Variants in PPP1CB observed in about 807,000 individuals in gnomAD.
The protein encoded by PPP1CB is protein phosphatase 1 catalytic subunit beta.
PPP1CB carries 2 observed loss-of-function variants against 43.7 expected under a neutral mutation model. That is an observed-to-expected ratio of 0.05 (90% CI 0.02 to 0.14). The LOEUF (loss-of-function observed/expected upper bound fraction) is 0.14, where lower values mean the gene tolerates loss of function less well. Among genes scored for constraint, PPP1CB ranks in the 10% least tolerant of loss-of-function variants. The pLI, the probability that PPP1CB is intolerant of heterozygous loss-of-function variation, is 1.00. For synonymous variants in PPP1CB, 136 were observed against 135.6 expected (o/e 1.00, Z -0.02); for missense variants, 84 against 398.0 (o/e 0.21, Z 6.71).
In PPP1CB at chr2:28,767,145, A is replaced by T. The variant is rs533673976; in HGVS notation, c.53-9706A>T. ...TTCTTCAGCTTTTCCAATCAGATAC[A>T]ATTTAATTAACCCACCATTGATAAA... is the stretch of plus-strand genomic sequence containing the variant. On this transcript the variant is annotated intron_variant, in intron 1 of 7. Transcript: ENST00000395366. 1.2e-4 allele frequency among the ~76,000 whole-genome samples: 19 copies of T among 152,298 alleles called. No individual in the cohort carries two copies. In the South Asian group the frequency reaches 3.9e-3, roughly 32 times the overall value.
chr2:28,780,389 C>T (rs1667133990), intron 3 of PPP1CB, among the ~76,000 whole-genome samples: 1 of 152,068 alleles, frequency 6.6e-6, no homozygotes, highest in Non-Finnish European at 1.5e-5. Context: ...CGGCGCCCAG[C>T]CATGAGCTTA....
intron 5 of PPP1CB, 108 bp downstream of exon 5, chr2:28,784,086 T>C (rs1667211478): frequency 6.4e-6 from 5 of 777,708 alleles, no homozygotes; most frequent in Middle Eastern, 2.9e-4. Context: ...AAAAGAGCTT[T>C]TTTCATAGTC....
chr2:28,752,238 C>T, intron 1 of PPP1CB, 62 bp downstream of exon 1: 1 of 1,429,268 alleles, frequency 7.0e-7, no homozygotes, highest in Admixed American at 2.3e-5. Context: ...CCCCTGCGTC[C>T]CCGTCTGCCG....
intron 1 of PPP1CB, among the ~76,000 whole-genome samples, chr2:28,761,835 T>A (rs2148457908): frequency 6.6e-6 from 1 of 152,360 alleles, no homozygotes; most frequent in East Asian, 1.9e-4. Context: ...TGCTTGCTTT[T>A]GGCCAGGAAC....
intron 2 of PPP1CB, 33 bp from the exon 3 acceptor site, chr2:28,778,776 A>G (rs373352146): frequency 7.0e-7 from 1 of 1,427,672 alleles, no homozygotes; most frequent in African/African-American, 1.4e-5. Flanking sequence ...AACAGTAACC[A>G]ATTTTTCTAA....
At chr2:28,786,740 A>G (rs571353383) in intron 5 of PPP1CB, among the ~76,000 whole-genome samples, 1 of 138,868 alleles carries the variant, frequency 7.2e-6, no homozygotes, top group East Asian at 2.2e-4. Flanking sequence ...GTGCCACTGC[A>G]CTCCAGCCTG....
chr2:28,771,774 G>A (rs1014278306), intron 1 of PPP1CB, among the ~76,000 whole-genome samples: 1 of 152,002 alleles, frequency 6.6e-6, no homozygotes, highest in African/African-American at 2.4e-5. Context: ...TAAAATATCT[G>A]GAAGGAAACA....
At chr2:28,797,494 C>G (rs72854739) in intron 7 of PPP1CB, among the ~76,000 whole-genome samples, 21,282 of 151,822 alleles carry the variant, frequency 0.14, 2,012 homozygotes, top group African/African-American at 0.26. Context: ...GTTCAGTCTT[C>G]GGAGTTTGTG....
rs767756340 is a variant in PPP1CB at position 28,776,846 on chromosome 2, G to T, written c.53-5G>T. On this transcript the variant is annotated splice_region_variant and splice_polypyrimidine_tract_variant and intron_variant, in intron 1 of 7. Coordinates refer to ENST00000395366, the MANE Select transcript of PPP1CB (RefSeq NM_002709.3). The stretch of plus-strand genomic sequence containing the variant: ...AAACTGACTGTTTTATTTATCGTTT[G>T]TCAGTACGAGGATGTCGTCCAGGAA... 3.1e-6 allele frequency: 5 copies of T among 1,592,602 alleles called. No homozygotes were observed. The African/African-American group carries it at 5.4e-5, about 17-fold the overall frequency.
Position 28,772,190 on chromosome 2 carries a change from C to T in PPP1CB, c.53-4661C>T, listed in dbSNP as rs149371030. On this transcript the variant is annotated intron_variant, in intron 1 of 7. Transcript: ENST00000395366. ...GGGCATGGTGGTGTGCACCTGTAAT[C>T]CCAGCTGCTCAGGAGGCAGGAGAAT... 5.5e-3 allele frequency among the ~76,000 whole-genome samples: 832 copies of T among 152,120 alleles called. 7 individuals carry two copies. The highest frequency in any genetic ancestry group is 0.019 in the African/African-American group (785 of 41,516).
At chr2:28,786,227 C>A (rs938654902) in intron 5 of PPP1CB, among the ~76,000 whole-genome samples, 3 of 152,112 alleles carry the variant, frequency 2.0e-5, no homozygotes, top group Non-Finnish European at 4.4e-5. Context: ...AGTTCTCTTG[C>A]TTCAGCCTCC....
intron 6 of PPP1CB, among the ~76,000 whole-genome samples, chr2:28,789,174 T>TA (rs1667335385): frequency 6.6e-6 from 1 of 152,060 alleles, no homozygotes. Context: ...AATCTAGTGA[T>TA]TTGTTAACCT....
chr2:28,771,416 C>T (rs200550740), intron 1 of PPP1CB, among the ~76,000 whole-genome samples: 1 of 151,636 alleles, frequency 6.6e-6, no homozygotes, highest in Non-Finnish European at 1.5e-5. Flanking sequence ...AATTTTAAAA[C>T]ATTTGAAAGT....
At chr2:28,788,099 C>G (rs1173176493) in intron 5 of PPP1CB, among the ~76,000 whole-genome samples, 1 of 151,288 alleles carries the variant, frequency 6.6e-6, no homozygotes, top group Non-Finnish European at 1.5e-5. Context: ...TGGAATTAGG[C>G]AATTGTTTTT....
chr2:28,786,092 G>A (rs183097671), intron 5 of PPP1CB, among the ~76,000 whole-genome samples: 1 of 152,188 alleles, frequency 6.6e-6, no homozygotes, highest in Non-Finnish European at 1.5e-5. Context: ...TGTGATGCTA[G>A]CTCATTAAAC....
chr2:28,786,119 G>A (rs186997315), intron 5 of PPP1CB, among the ~76,000 whole-genome samples: 9 of 152,156 alleles, frequency 5.9e-5, no homozygotes. Flanking sequence ...TCTTGACTCT[G>A]AAATTCTTTT....
At chr2:28,774,476 AGTGCTGTG>A (rs1306590777) in intron 1 of PPP1CB, among the ~76,000 whole-genome samples, 1 of 152,036 alleles carries the variant, frequency 6.6e-6, no homozygotes, top group African/African-American at 2.4e-5. Flanking sequence ...CCCAGGCTGG[AGTGCTGTG>A]GTGCGATCTC....
At chr2:28,751,818 C>T (rs1666282070), upstream of PPP1CB, 1 of 467,310 alleles carries the variant, frequency 2.1e-6, no homozygotes, top group Admixed American at 3.4e-5. Flanking sequence ...GTCGGCGGCG[C>T]TGGTGAGCTT....
In PPP1CB at chr2:28,801,242, G is replaced by A. The variant is rs1006083997; in HGVS notation, c.*1939G>A. On this transcript the variant is annotated 3_prime_UTR_variant, in exon 8 of 8. Transcript: ENST00000395366. ...CCTGATTGGAGTGTGTAAGCTGAGC[G>A]ATTTCTAATAAAATTTTAGTTGTAC... The A allele has an allele frequency of 2.6e-5, 4 of 152,054 alleles. No individual in the cohort carries two copies. The highest frequency in any genetic ancestry group is 4.4e-5 in the Non-Finnish European group (3 of 67,942). The allele number at this position is 152,054 out of a possible 1,614,324, so 9.4% of individuals were successfully genotyped here. A position where few individuals can be genotyped will look rare whatever the true frequency, so the allele number is the denominator to read the frequency against.
Sources: allele counts gnomAD v4.1 joint callset (sites outside exome capture counted in the v4.1 genomes callset), GRCh38; gene constraint gnomAD v4.1.1; transcripts MANE v1.5; gene names NCBI Gene and HGNC (gene_info 2026-07-23, HGNC 2026-07-21).